DIAPH2: variants seen among roughly 807,000 people sequenced by gnomAD.
The protein encoded by DIAPH2 is protein diaphanous homolog 2.
Under a neutral mutation model 92.7 loss-of-function variants are expected in DIAPH2, and 35 were observed. That is an observed-to-expected ratio of 0.38 (90% CI 0.29 to 0.50). The LOEUF (loss-of-function observed/expected upper bound fraction) is 0.50, where lower values mean the gene tolerates loss of function less well. Among genes scored for constraint, DIAPH2 ranks in the 20% least tolerant of loss-of-function variants. DIAPH2 has a pLI of 0.94. For missense variants in DIAPH2, 701 were observed against 819.5 expected, an observed-to-expected ratio of 0.86 and a Z score of 1.77; for synonymous variants, 301 against 280.4, an observed-to-expected ratio of 1.07 and a Z score of -0.73.
At chrX:96,868,457 C>A (rs2065118739) in intron 4 of DIAPH2, among the ~76,000 whole-genome samples, 1 of 111,840 alleles carries the variant, frequency 8.9e-6, no homozygotes, top group Non-Finnish European at 1.9e-5. Flanking sequence ...GTATATTGAT[C>A]TAACAAATCC....
intron 21 of DIAPH2, among the ~76,000 whole-genome samples, chrX:97,138,783 G>A (rs2067190428): frequency 9.0e-6 from 1 of 111,344 alleles, no homozygotes; most frequent in Admixed American, 9.6e-5. Context: ...ATAAAAATAA[G>A]TCATATATGT....
chrX:97,459,925 A>T (rs1257615865), intron 26 of DIAPH2, among the ~76,000 whole-genome samples: 2 of 111,654 alleles, frequency 1.8e-5, no homozygotes, highest in Non-Finnish European at 1.9e-5. Context: ...TAAAATGAGG[A>T]TAATAGTTAT....
At chrX:97,134,565 T>G (rs1421034618) in intron 21 of DIAPH2, among the ~76,000 whole-genome samples, 1 of 111,167 alleles carries the variant, frequency 9.0e-6, no homozygotes, top group East Asian at 2.8e-4. Context: ...GACCAAACCC[T>G]CAGAGTTTCT....
At chrX:97,169,045 G>A (rs2067432825) in intron 22 of DIAPH2, among the ~76,000 whole-genome samples, 1 of 111,782 alleles carries the variant, frequency 8.9e-6, no homozygotes, top group Non-Finnish European at 1.9e-5. Flanking sequence ...TTCAACATTG[G>A]AATTTTGACA....
intron 17 of DIAPH2, among the ~76,000 whole-genome samples, chrX:97,041,548 G>T (rs1167877647): frequency 9.0e-6 from 1 of 111,134 alleles, no homozygotes; most frequent in Admixed American, 9.6e-5. Context: ...TTTTTCCTTG[G>T]AACTAACTAT....
chrX:97,252,563 A>T (rs1343102006), intron 23 of DIAPH2, among the ~76,000 whole-genome samples: 3 of 111,123 alleles, frequency 2.7e-5, no homozygotes, highest in African/African-American at 9.8e-5. Flanking sequence ...AGATGAAAAA[A>T]CTCACAGAAC....
chrX:97,041,611 T>C (rs1266288252), intron 17 of DIAPH2, among the ~76,000 whole-genome samples: 1 of 111,769 alleles, frequency 8.9e-6, no homozygotes, highest in Non-Finnish European at 1.9e-5. Context: ...TTTCCCATTG[T>C]AAACTTTCGG....
intron 15 of DIAPH2, among the ~76,000 whole-genome samples, chrX:96,949,339 A>G (rs1025467445): frequency 9.0e-6 from 1 of 110,902 alleles, no homozygotes; most frequent in Non-Finnish European, 1.9e-5. Context: ...GGTACATGCT[A>G]TTTTCTTTCA....
At chrX:97,541,909 T>C (rs899994127) in intron 26 of DIAPH2, among the ~76,000 whole-genome samples, 1 of 112,823 alleles carries the variant, frequency 8.9e-6, no homozygotes, top group Non-Finnish European at 1.9e-5. Flanking sequence ...GAAATAAAAA[T>C]GTATAATTTA....
At chrX:97,017,202 T>C (rs957583828) in intron 17 of DIAPH2, among the ~76,000 whole-genome samples, 2 of 112,330 alleles carry the variant, frequency 1.8e-5, no homozygotes, top group African/African-American at 6.5e-5. Context: ...AATCACTAAA[T>C]ATTTTTAATA....
At chrX:96,746,436 C>T (rs1371275791) in intron 3 of DIAPH2, among the ~76,000 whole-genome samples, 1 of 111,897 alleles carries the variant, frequency 8.9e-6, no homozygotes, top group African/African-American at 3.3e-5. Flanking sequence ...TTCTTGTCTC[C>T]CTCCCATACC....
At chrX:97,195,661 A>AAC (rs527830583) in intron 22 of DIAPH2, among the ~76,000 whole-genome samples, 13 of 44,944 alleles carry the variant, frequency 2.9e-4, no homozygotes, top group African/African-American at 8.2e-4. Context: ...ACTCCGTCTC[A>AAC]AAAAAAAAAA....
At chrX:97,437,781 C>CAT (rs2070203217) in intron 26 of DIAPH2, among the ~76,000 whole-genome samples, 1 of 110,083 alleles carries the variant, frequency 9.1e-6, no homozygotes, top group Non-Finnish European at 1.9e-5. Context: ...CACACACACA[C>CAT]ACACACACAC....
intron 4 of DIAPH2, among the ~76,000 whole-genome samples, chrX:96,778,788 A>G (rs1248248117): frequency 1.8e-5 from 2 of 111,494 alleles, no homozygotes; most frequent in African/African-American, 6.5e-5. Context: ...TTCTCAGTGG[A>G]TTGGTTTCAT....
chrX:97,169,551 C>A (rs1234824142), intron 22 of DIAPH2, among the ~76,000 whole-genome samples: 1 of 111,451 alleles, frequency 9.0e-6, no homozygotes, highest in Non-Finnish European at 1.9e-5. Flanking sequence ...TGACCAAATT[C>A]TTGATATATT....
intron 22 of DIAPH2, among the ~76,000 whole-genome samples, chrX:97,198,328 A>T (rs2067720609): frequency 9.2e-6 from 1 of 108,975 alleles, no homozygotes; most frequent in Non-Finnish European, 1.9e-5. Flanking sequence ...ATATATATAT[A>T]CACGCATATG....
intron 7 of DIAPH2, among the ~76,000 whole-genome samples, chrX:96,913,847 G>A (rs2065485210): frequency 9.1e-6 from 1 of 110,210 alleles, no homozygotes; most frequent in African/African-American, 3.3e-5. Flanking sequence ...CTTTACTCAG[G>A]TTATGAAGTT....
intron 23 of DIAPH2, among the ~76,000 whole-genome samples, chrX:97,274,081 G>T (rs976479834): frequency 9.5e-6 from 1 of 105,212 alleles, no homozygotes; most frequent in Non-Finnish European, 1.9e-5. Context: ...ACTGGAATCC[G>T]TTTTGTTTTT....
At chrX:97,322,196 A>G (rs779101106) in intron 23 of DIAPH2, among the ~76,000 whole-genome samples, 2 of 112,608 alleles carry the variant, frequency 1.8e-5, no homozygotes, top group Admixed American at 9.4e-5. Flanking sequence ...AAGACAATAA[A>G]GGCATACTTT....
Sources: allele counts gnomAD v4.1 joint callset (sites outside exome capture counted in the v4.1 genomes callset), GRCh38; gene constraint gnomAD v4.1.1; transcripts MANE v1.5; gene names NCBI Gene and HGNC (gene_info 2026-07-23, HGNC 2026-07-21).